Variants in GALE observed in about 807,000 individuals in gnomAD.
The protein encoded by GALE is UDP-glucose 4-epimerase.
A neutral mutation model predicts 44.1 loss-of-function variants in GALE; 32 were observed. The observed-to-expected ratio is 0.73, with a 90% CI of 0.55 to 0.97. The LOEUF (loss-of-function observed/expected upper bound fraction) is 0.97. GALE is among the 50% of genes least tolerant of loss of function. The probability of loss-of-function intolerance (pLI) is 0.00; values close to 1 mark genes in which losing one functional copy is unlikely to be tolerated. For missense variants in GALE, 423 were observed against 455.6 expected (o/e 0.93, Z 0.65); for synonymous variants, 182 against 183.5 (o/e 0.99, Z 0.06).
chr1:23,799,254 G>T (rs1639058676), intron 2 of GALE, 112 bp downstream of exon 2: 1 of 561,990 alleles, frequency 1.8e-6, no homozygotes, highest in East Asian at 3.1e-5. Context: ...GCTAATAATT[G>T]TATAAACTTC....
In GALE at chr1:23,797,657, G is replaced by C. The variant is rs945056112; in HGVS notation, c.528+38C>G. 3.1e-6 allele frequency: 5 copies of C among 1,601,596 alleles called. No individual in the cohort carries two copies. In the Admixed American group the frequency reaches 5.0e-5, roughly 16 times the overall value. ...CAGGGTGGGCCCTGAGGAGTCCATC[G>C]ATCAGTGGAGCCAGGGCACTGTCAA... On this transcript the variant is annotated intron_variant, in intron 6 of 11. Transcript: ENST00000617979.
At chr1:23,799,038 G>C in intron 2 of GALE, 26 bp from the exon 3 acceptor site, 5 of 1,613,946 alleles carry the variant, frequency 3.1e-6, no homozygotes, top group Non-Finnish European at 4.2e-6. Context: ...GAGTCTCAGA[G>C]GTGGCTGAGG....
Position 23,796,372 on chromosome 1 carries a change from C to T in GALE, c.874-107G>A, listed in dbSNP as rs555610199. 45 of 1,432,608 alleles carry T rather than the reference C, an allele frequency of 3.1e-5. No individual in the cohort carries two copies. Among genetic ancestry groups the T allele is most frequent in the African/African-American group, 9.8e-5 (7 of 71,274 alleles). The allele number at this position is 1,432,608 out of a possible 1,614,324, so 88.7% of individuals were successfully genotyped here. A position where few individuals can be genotyped will look rare whatever the true frequency, so the allele number is the denominator to read the frequency against. ...AGAGCAGCGGCTGGCCCGCAGGCAC[C>T]GGGTGCTAGGCAGGCTGAGGAGACT... On this transcript the variant is annotated intron_variant, in intron 10 of 11. Transcript: ENST00000617979. This position sits in a 1 kb window ranked among gnomAD's most constrained non-coding sequence, Gnocchi z 5.2.
rs1188500035 is a variant in GALE, at chr1:23,796,601, A to G, written c.796-15T>C. 5.6e-6 allele frequency: 9 copies of G among 1,614,020 alleles called. No individual in the cohort carries two copies. The East Asian group carries it at 2.0e-4, about 36-fold the overall frequency. On this transcript the variant is annotated splice_polypyrimidine_tract_variant and intron_variant, in intron 9 of 11. Transcript: ENST00000617979. This position sits in a 1 kb window ranked among gnomAD's most constrained non-coding sequence, Gnocchi z 5.2. ...AGGTTGTAGATCTGGCCCACGGAGA[A>G]CAGGGTTTATGGAGCGGGCTGGACT... is the stretch of plus-strand genomic sequence containing the variant.
At position 23,795,876 on chromosome 1, in the gene GALE, G is replaced by T. The variant is rs965193715; in HGVS notation, c.*73C>A. On this transcript the variant is annotated 3_prime_UTR_variant, in exon 12 of 12. Transcript: ENST00000617979. The stretch of plus-strand genomic sequence containing the variant: ...CTTGGCTTGGCCCCAGCAGCTCCAG[G>T]GCCCTGAGTTCCTGCCAGAGGCTGG... 1.4e-6 allele frequency: 2 copies of T among 1,471,972 alleles called. No homozygotes were observed. The highest frequency in any genetic ancestry group is 1.9e-6 in the Non-Finnish European group (2 of 1,057,218). 91.2% of individuals were successfully genotyped at this position (1,471,972 alleles called of 1,614,324 possible).
chr1:23,796,981 G>C lies in GALE; in HGVS notation c.643-39C>G, dbSNP rs766676606. 9 of 1,609,532 alleles carry C rather than the reference G, an allele frequency of 5.6e-6. No homozygotes were observed. The highest frequency in any genetic ancestry group is 6.8e-6 in the Non-Finnish European group (8 of 1,177,786). On this transcript the variant is annotated intron_variant, in intron 7 of 11. Coordinates refer to ENST00000617979, the MANE Select transcript of GALE (RefSeq NM_001008216.2). The surrounding 1 kb of genome is among the most constrained non-coding windows in gnomAD (Gnocchi z 5.2). ...TCAGGTCAGTTCGTCCCAGATCCCAGGCACCAGCTTTAACCCCAGGGCCAC... is the reference window on the plus strand; with the variant it reads ...TCAGGTCAGTTCGTCCCAGATCCCACGCACCAGCTTTAACCCCAGGGCCAC...
At position 23,795,939 on chromosome 1, in the gene GALE, G is replaced by A; in HGVS notation, c.*10C>T. The A allele has an allele frequency of 6.2e-7, 1 of 1,613,088 alleles. No homozygotes were observed. The highest frequency in any genetic ancestry group is 8.5e-7 in the Non-Finnish European group (1 of 1,179,390). On this transcript the variant is annotated 3_prime_UTR_variant, in exon 12 of 12. Transcript: ENST00000617979. ...TGCTGCTTTTCCTGGTCCTTGGTAG[G>A]GGAGGGTCCTCAGGCTTGCGTGCCA...
chr1:23,796,699 G>T lies in GALE; in HGVS notation c.793C>A (p.Arg265=). 2 of 1,613,066 alleles carry T rather than the reference G, an allele frequency of 1.2e-6. No homozygotes were observed. Among genetic ancestry groups the T allele is most frequent in the African/African-American group, 1.3e-5 (1 of 75,010 alleles). The part of the protein sequence containing the change: ...LRKLKEQCGC[R]IYNLGTGTGY... ...TCACTTCTCCCTTCTCTTCCTACCC[G>T]GCAGCCACACTGTTCTTTCAGCTTC... Residue 265 remains arginine (R), a splice_region_variant and synonymous_variant, in exon 9 of 12, where the codon CGG becomes AGG. Transcript: ENST00000617979. This position sits in a 1 kb window ranked among gnomAD's most constrained non-coding sequence, Gnocchi z 5.2.
chr1:23,797,704 C>A lies in GALE; in HGVS notation c.519G>T (p.Gln173His). 6.2e-7 allele frequency: 1 copy of A among 1,614,140 alleles called. No homozygotes were observed. The highest frequency in any genetic ancestry group is 8.5e-7 in the Non-Finnish European group (1 of 1,180,000). ...FIEEMIRDLC[Q>H]ADKTWNAVLL... ...TCAAGGGGGCCCTCACCTTGTCTGC[C>A]TGGCACAGGTCCCGGATCATTTCCT... Residue 173 changes from glutamine (Q) to histidine (H), a missense_variant, in exon 6 of 12, where the codon CAG (glutamine) becomes CAT (histidine). Gln to His is a conservative substitution (Grantham distance 24, BLOSUM62 0). Transcript: ENST00000617979.
In GALE at chr1:23,798,339, CTG is replaced by C; in HGVS notation, c.238-111_238-110del. ...TTTTTTTTTTTTTGACAGTCTCGCT[CTG>C]TTGTCCAGGCTGGAGTACAGTGGTG... On this transcript the variant is annotated intron_variant, in intron 4 of 11. Coordinates refer to ENST00000617979, the MANE Select transcript of GALE (RefSeq NM_001008216.2). This position sits in a 1 kb window ranked among gnomAD's most constrained non-coding sequence, Gnocchi z 4.5. 1 of 806,444 alleles carries C rather than the reference CTG, an allele frequency of 1.2e-6. No homozygotes were observed. The allele number at this position is 806,444 out of a possible 1,614,324, so 50.0% of individuals were successfully genotyped here. A position where few individuals can be genotyped will look rare whatever the true frequency, so the allele number is the denominator to read the frequency against.
Position 23,797,836 on chromosome 1 carries a change from G to A in GALE, c.387C>T (p.Phe129=). The A allele has an allele frequency of 6.2e-7, 1 of 1,614,200 alleles. No individual in the cohort carries two copies. Among genetic ancestry groups the A allele is most frequent in the Non-Finnish European group, 8.5e-7 (1 of 1,180,036 alleles). Residue 129 remains phenylalanine (F), a synonymous_variant, in exon 6 of 12, where the codon TTC becomes TTT. Transcript: ENST00000617979. The part of the protein sequence containing the change: ...MKAHGVKNLV[F]SSSATVYGNP... ...TCCCGTACACAGTGGCTGAGCTGCT[G>A]AACACCAGGTTCTTCACCCCGTGGG...
intron 6 of GALE, 95 bp from the exon 7 acceptor site, chr1:23,797,242 G>C (rs1638988986): frequency 1.1e-6 from 1 of 878,906 alleles, no homozygotes; most frequent in Admixed American, 2.0e-5. Context: ...GTTTTTTTGA[G>C]ATGGAGTCTC....
intron 1 of GALE, 134 bp from the exon 2 acceptor site, chr1:23,799,570 T>C (rs1197776909): frequency 5.4e-6 from 1 of 186,558 alleles, no homozygotes; most frequent in Non-Finnish European, 1.1e-5. Flanking sequence ...CAGTGACTAA[T>C]ACCTCCTGCT....
intron 6 of GALE, 143 bp downstream of exon 6, chr1:23,797,550 CAG>C: frequency 1.3e-6 from 1 of 788,062 alleles, no homozygotes; most frequent in South Asian, 1.4e-5. Flanking sequence ...TAGAAACAAG[CAG>C]GGGATGGGGC....
rs773543718 is a variant in GALE, at chr1:23,798,151, C to A, written c.317G>T (p.Arg106Ile). Residue 106 changes from arginine to isoleucine, a missense_variant, in exon 5 of 12, where the codon AGA becomes ATA. Arg to Ile is a moderately conservative substitution (Grantham distance 97). Transcript: ENST00000617979. The surrounding 1 kb of genome is among the most constrained non-coding windows in gnomAD (Gnocchi z 4.5). ...ESVQKPLDYYRVNLTGTIQLL... is the reference protein window; with the variant it reads ...ESVQKPLDYYIVNLTGTIQLL... ...CTGGATGGTCCCGGTCAGGTTAACT[C>A]TGTAATAATCCAGAGGCTTCTGCAC... The A allele has an allele frequency of 6.2e-7, 1 of 1,614,150 alleles. No individual in the cohort carries two copies. Among genetic ancestry groups the A allele is most frequent in the Non-Finnish European group, 8.5e-7 (1 of 1,180,006 alleles).
At chr1:23,797,176 C>A in intron 6 of GALE, 29 bp from the exon 7 acceptor site, 1 of 1,505,310 alleles carries the variant, frequency 6.6e-7, no homozygotes, top group South Asian at 1.2e-5. Flanking sequence ...GTGGTGAGGC[C>A]AGAGGCACAG....
Position 23,798,191 on chromosome 1 carries a change from C to A in GALE, c.277G>T (p.Ala93Ser), listed in dbSNP as rs1639022376. The A allele has an allele frequency of 3.7e-6, 6 of 1,614,114 alleles. No individual in the cohort carries two copies. Among genetic ancestry groups the A allele is most frequent in the Admixed American group, 1.7e-5 (1 of 60,034 alleles). The change falls in exon 5 of 12, where the codon GCC (alanine) becomes TCC (serine). Residue 93 changes from alanine to serine, a missense_variant. Transcript: ENST00000617979. The surrounding 1 kb of genome is among the most constrained non-coding windows in gnomAD (Gnocchi z 4.5). ...GGCTTCTGCACCGACTCGCCCACGG[C>A]CTTGAGCCCCGCAAAGTGGATGACC... The part of the protein sequence containing the change: ...MAVIHFAGLK[A>S]VGESVQKPLD...
rs1057086455 is a variant in GALE, at chr1:23,796,622, G to A, written c.796-36C>T. The A allele has an allele frequency of 6.2e-7, 1 of 1,614,086 alleles. No individual in the cohort carries two copies. Reference sequence around the variant, plus strand: ...GAGAACAGGGTTTATGGAGCGGGCTGGACTGACCACGCCTCTGGGCCGCTC... The same window carrying A: ...GAGAACAGGGTTTATGGAGCGGGCTAGACTGACCACGCCTCTGGGCCGCTC... On this transcript the variant is annotated intron_variant, in intron 9 of 11. Coordinates refer to ENST00000617979, the MANE Select transcript of GALE (RefSeq NM_001008216.2). This position sits in a 1 kb window ranked among gnomAD's most constrained non-coding sequence, Gnocchi z 5.2.
In GALE at chr1:23,796,950, TGGA is replaced by T. The variant is rs754967019; in HGVS notation, c.643-11_643-9del. 6.2e-7 allele frequency: 1 copy of T among 1,612,810 alleles called. No individual in the cohort carries two copies. The highest frequency in any genetic ancestry group is 1.1e-5 in the South Asian group (1 of 90,750). ...CCGTCGCCCGATCGCCACCTGGAGG[TGGA>T]GATCAGGTCAGTTCGTCCCAGATCC... On this transcript the variant is annotated splice_polypyrimidine_tract_variant and intron_variant, in intron 7 of 11. Coordinates refer to ENST00000617979, the MANE Select transcript of GALE (RefSeq NM_001008216.2). The surrounding 1 kb of genome is among the most constrained non-coding windows in gnomAD (Gnocchi z 5.2).
Sources: allele counts gnomAD v4.1 joint callset, GRCh38; gene constraint gnomAD v4.1.1; non-coding constraint Gnocchi (gnomAD v3.1); transcripts MANE v1.5; gene names NCBI Gene and HGNC (gene_info 2026-07-23, HGNC 2026-07-21).